Variants in NCAPD3 observed in about 807,000 individuals in gnomAD.
NCAPD3 encodes condensin-2 complex subunit D3.
Under a neutral mutation model 182.9 loss-of-function variants are expected in NCAPD3, and 105 were observed. The observed-to-expected ratio is 0.57, with a 90% confidence interval of 0.49 to 0.68. The LOEUF is 0.68. Among genes scored for constraint, NCAPD3 ranks in the 30% least tolerant of loss-of-function variants. The probability of loss-of-function intolerance (pLI) is 0.00; values close to 1 mark genes in which losing one functional copy is unlikely to be tolerated. For missense variants in NCAPD3, 1,944 were observed against 1,837.0 expected (o/e 1.06, Z -1.07); for synonymous variants, 815 against 679.9 (o/e 1.20, Z -3.09).
At chr11:134,165,143 ACACT>A (rs1315984111) in intron 27 of NCAPD3, among the ~76,000 whole-genome samples, 4 of 150,654 alleles carry the variant, frequency 2.7e-5, no homozygotes, top group Non-Finnish European at 4.4e-5. Context: ...GGGGAGCAGC[ACACT>A]CACTTGTGAG....
rs1377434267 is a variant in NCAPD3 at position 134,192,871 on chromosome 11, C to G, written c.1863G>C (p.Leu621Phe). The change falls in exon 16 of 35, where the codon TTG becomes TTC. Residue 621 changes from leucine to phenylalanine, a missense_variant. This residue lies in a region of NCAPD3 where 1,803 missense variants were observed against 1,674.6 expected (regional missense o/e 1.08). Coordinates refer to ENST00000534548, the MANE Select transcript of NCAPD3 (RefSeq NM_015261.3). ...CCATCACCACCGGGACCACCCCCCG[C>G]AACCAGGCTTTCTGGATCTGCACGC... ...PRCVQIQKAW[L>F]RGVVPVVMDC... 1 of 1,613,852 alleles carries G rather than the reference C, an allele frequency of 6.2e-7. No individual in the cohort carries two copies. Among genetic ancestry groups the G allele is most frequent in the Admixed American group, 1.7e-5 (1 of 60,016 alleles).
At chr11:134,189,593 T>C (rs558551308) in intron 16 of NCAPD3, among the ~76,000 whole-genome samples, 5 of 152,320 alleles carry the variant, frequency 3.3e-5, no homozygotes, top group African/African-American at 9.6e-5. Context: ...TATTGTATAA[T>C]GCTCAGAGAA....
chr11:134,216,899 G>C (rs375407335), intron 3 of NCAPD3, 37 bp downstream of exon 3: 1 of 1,543,370 alleles, frequency 6.5e-7, no homozygotes, highest in Non-Finnish European at 8.7e-7. Flanking sequence ...AGAAAAAAAT[G>C]ACAGAAGATT....
chr11:134,168,616 G>C lies in NCAPD3; in HGVS notation c.3240-14C>G. The C allele has an allele frequency of 6.2e-7, 1 of 1,613,738 alleles. No individual in the cohort carries two copies. The highest frequency in any genetic ancestry group is 8.5e-7 in the Non-Finnish European group (1 of 1,179,978). On this transcript the variant is annotated splice_polypyrimidine_tract_variant and intron_variant, in intron 25 of 34. Transcript: ENST00000534548. ...AGCCGCTTCTCTCTGTGGCAGAACG[G>C]GACAAGTTCACTGCATCACATGGGC...
chr11:134,218,264 T>G (rs1938104210), intron 2 of NCAPD3, among the ~76,000 whole-genome samples: 1 of 152,096 alleles, frequency 6.6e-6, no homozygotes, highest in Non-Finnish European at 1.5e-5. Flanking sequence ...TGGCCCCATG[T>G]GATCCCATGG....
At position 134,214,739 on chromosome 11, in the gene NCAPD3, A is replaced by G. The variant is rs75333860; in HGVS notation, c.382+2197T>C. Among the ~76,000 whole-genome samples, 1,224 of 152,342 alleles carry G rather than the reference A, an allele frequency of 8.0e-3. 14 individuals carry two copies. Among genetic ancestry groups the G allele is most frequent in the African/African-American group, 0.029 (1,186 of 41,576 alleles). On this transcript the variant is annotated intron_variant, in intron 3 of 34. Transcript: ENST00000534548. ...GGAGATCACTAGAAATTCTACAAACATAAACTTCTTTCAAAAAACTCCAGG... is the reference window on the plus strand; with the variant it reads ...GGAGATCACTAGAAATTCTACAAACGTAAACTTCTTTCAAAAAACTCCAGG...
At chr11:134,186,111 T>C (rs1944400556) in intron 16 of NCAPD3, 1 of 152,174 alleles carries the variant, frequency 6.6e-6, no homozygotes, top group East Asian at 1.9e-4. Context: ...AGCTAAAATA[T>C]GCAATAACTT....
intron 16 of NCAPD3, among the ~76,000 whole-genome samples, chr11:134,190,808 G>A (rs202198097): frequency 1.3e-5 from 2 of 152,308 alleles, no homozygotes; most frequent in South Asian, 2.1e-4. Context: ...AGGTGGTGGC[G>A]ATAAACACCC....
intron 30 of NCAPD3, 67 bp from the exon 31 acceptor site, chr11:134,158,134 C>T: frequency 3.8e-6 from 6 of 1,572,126 alleles, no homozygotes; most frequent in Non-Finnish European, 3.5e-6. Flanking sequence ...CAGTGCTGCA[C>T]TGTGTCCCCG....
upstream of NCAPD3, chr11:134,225,278 T>G: frequency 6.2e-7 from 1 of 1,614,118 alleles, no homozygotes; most frequent in Non-Finnish European, 8.5e-7. Flanking sequence ...AGGTGAGCCT[T>G]GCCCTCAAGA....
At chr11:134,155,471 G>C (rs1033778798) in intron 32 of NCAPD3, among the ~76,000 whole-genome samples, 2 of 152,196 alleles carry the variant, frequency 1.3e-5, no homozygotes, top group Admixed American at 1.3e-4. Flanking sequence ...TTATGTCCAA[G>C]AGCCTGGAGC....
rs1943278786 is a variant in NCAPD3 at position 134,152,561 on chromosome 11, A to G, written c.*383T>C. The G allele has an allele frequency of 6.1e-6, 1 of 163,914 alleles. No individual in the cohort carries two copies. The highest frequency in any genetic ancestry group is 2.4e-5 in the African/African-American group (1 of 41,954). The allele number at this position is 163,914 out of a possible 1,614,324, so 10.2% of individuals were successfully genotyped here. A position where few individuals can be genotyped will look rare whatever the true frequency, so the allele number is the denominator to read the frequency against. Reference sequence around the variant, plus strand: ...AAAATTTCGTCATTACAGATGGGAAAATATGTACTATAAGGAATTCAAGTT... The same window carrying G: ...AAAATTTCGTCATTACAGATGGGAAGATATGTACTATAAGGAATTCAAGTT... On this transcript the variant is annotated 3_prime_UTR_variant, in exon 35 of 35. Transcript: ENST00000534548.
intron 2 of NCAPD3, among the ~76,000 whole-genome samples, chr11:134,219,742 G>A (rs572389208): frequency 6.6e-6 from 1 of 152,076 alleles, no homozygotes; most frequent in East Asian, 1.9e-4. Flanking sequence ...ATATTTACAG[G>A]AACTGTTTGG....
At chr11:134,192,535 G>C (rs77977439) in intron 16 of NCAPD3, among the ~76,000 whole-genome samples, 154 bp downstream of exon 16, 15 of 152,362 alleles carry the variant, frequency 9.8e-5, no homozygotes, top group East Asian at 1.9e-4. Context: ...TAAGAGATTG[G>C]AAGTCAGTCA....
intron 13 of NCAPD3, among the ~76,000 whole-genome samples, chr11:134,200,373 C>G (rs1364973575): frequency 6.6e-6 from 1 of 152,004 alleles, no homozygotes; most frequent in African/African-American, 2.4e-5. Context: ...ATAACTCTTT[C>G]AACTCAAAAA....
At chr11:134,223,838 G>C (rs1938342750) in intron 1 of NCAPD3, 25 bp downstream of exon 1, 1 of 1,554,846 alleles carries the variant, frequency 6.4e-7, no homozygotes, top group African/African-American at 1.4e-5. Flanking sequence ...CCTGGCCCCC[G>C]GGCCTCCCGG....
rs1944224048 is a variant in NCAPD3, at chr11:134,178,659, A to G, written c.2757T>C (p.Ile919=). The G allele has an allele frequency of 6.3e-7, 1 of 1,579,962 alleles. No homozygotes were observed. The highest frequency in any genetic ancestry group is 1.2e-5 in the South Asian group (1 of 86,110). Residue 919 remains isoleucine (I), a synonymous_variant, in exon 22 of 35, where the codon ATT becomes ATC. Coordinates refer to ENST00000534548, the MANE Select transcript of NCAPD3 (RefSeq NM_015261.3). ...QVRGSVMPSV[I]RAHAIITLGK... is the part of the protein sequence containing the mutation. ...CTAAGGTAATGATGGCATGTGCTCT[A>G]ATCACAGAGGGCATGACAGAACCTC...
At chr11:134,211,769 T>C (rs1937840722) in intron 3 of NCAPD3, among the ~76,000 whole-genome samples, 1 of 152,082 alleles carries the variant, frequency 6.6e-6, no homozygotes, top group Admixed American at 6.5e-5. Context: ...ATGGGCTTAA[T>C]AGTGGCTTGG....
rs762518648 is a variant in NCAPD3 at position 134,168,524 on chromosome 11, G to A, written c.3318C>T (p.His1106=). 4.3e-6 allele frequency: 7 copies of A among 1,614,224 alleles called. No homozygotes were observed. The Admixed American group carries it at 5.0e-5, about 12-fold the overall frequency. The stretch of plus-strand genomic sequence containing the variant: ...TGTTGAATCGCTGTTCATCTGTGAA[G>A]TGCTCTAGAAGAAATTTGTAGATTT... ...RMKIYKFLLE[H]FTDEQRFNIT... is the part of the protein sequence containing the mutation. The change falls in exon 26 of 35, where the codon CAC becomes CAT. Residue 1106 remains histidine (H), a synonymous_variant. Transcript: ENST00000534548.
Sources: allele counts gnomAD v4.1 joint callset (sites outside exome capture counted in the v4.1 genomes callset), GRCh38; gene constraint gnomAD v4.1.1; regional missense constraint gnomAD v4.1.1; transcripts MANE v1.5; gene names NCBI Gene and HGNC (gene_info 2026-07-23, HGNC 2026-07-21).